B4GALT6: variants seen among roughly 807,000 people sequenced by gnomAD.
B4GALT6 encodes the protein beta-1,4-galactosyltransferase 6.
In B4GALT6, 14 loss-of-function variants were observed where a neutral mutation model predicts 46.3. That is an observed-to-expected ratio of 0.30 (90% CI 0.20 to 0.47). B4GALT6 has a LOEUF of 0.47. Among genes scored for constraint, B4GALT6 ranks in the 20% least tolerant of loss-of-function variants. The pLI is 0.99. For missense variants in B4GALT6, 386 were observed against 480.1 expected, an observed-to-expected ratio of 0.80 and a Z score of 1.83; for synonymous variants, 168 against 162.0, an observed-to-expected ratio of 1.04 and a Z score of -0.28.
At chr18:31,626,005 CATT>C (rs928346762) in intron 8 of B4GALT6, among the ~76,000 whole-genome samples, 2 of 152,160 alleles carry the variant, frequency 1.3e-5, no homozygotes, top group African/African-American at 4.8e-5. Flanking sequence ...ATAAATAAAA[CATT>C]ATGCTTTATG....
chr18:31,638,330 A>G (rs753957002), intron 5 of B4GALT6, among the ~76,000 whole-genome samples: 1 of 152,150 alleles, frequency 6.6e-6, no homozygotes, highest in Non-Finnish European at 1.5e-5. Flanking sequence ...GATCAAGACC[A>G]TCCTGGCTAA....
the B4GALT6 span, among the ~76,000 whole-genome samples, chr18:31,695,568 T>G: frequency 6.6e-6 from 1 of 152,078 alleles, no homozygotes; most frequent in Admixed American, 6.6e-5. Context: ...CAACCAACAA[T>G]GCATAGACAC....
intron 4 of B4GALT6, 132 bp from the exon 5 acceptor site, chr18:31,638,892 C>G: frequency 8.5e-6 from 6 of 705,304 alleles, no homozygotes. Flanking sequence ...ATCAGAGATA[C>G]AACAGCAAGC....
the B4GALT6 span, among the ~76,000 whole-genome samples, chr18:31,719,613 C>T: frequency 1.3e-5 from 2 of 152,280 alleles, no homozygotes; most frequent in African/African-American, 4.8e-5. Flanking sequence ...CATGCAGAGC[C>T]AGCTGTGCAG....
intron 1 of B4GALT6, among the ~76,000 whole-genome samples, chr18:31,680,090 A>G (rs558834706): frequency 1.8e-4 from 27 of 152,314 alleles, no homozygotes; most frequent in Non-Finnish European, 3.7e-4. Flanking sequence ...CCCAGAAAAA[A>G]GAGATGCCCA....
chr18:31,657,577 C>G (rs2074157061), intron 3 of B4GALT6, among the ~76,000 whole-genome samples: 1 of 152,100 alleles, frequency 6.6e-6, no homozygotes. Context: ...GAATGGGGAG[C>G]CAGCACTGGG....
In B4GALT6 at chr18:31,627,183, AG is replaced by A. The variant is rs1305275491; in HGVS notation, c.777-63del. The A allele has an allele frequency of 2.0e-6, 3 of 1,493,890 alleles. No individual in the cohort carries two copies. In the African/African-American group the frequency reaches 4.3e-5, roughly 21 times the overall value. 92.5% of individuals were successfully genotyped at this position (1,493,890 alleles called of 1,614,324 possible). On this transcript the variant is annotated intron_variant, in intron 6 of 8. Transcript: ENST00000306851. ...CATAATAATTTCCCATGTGAAATGAAGGTTTCAGCCTTTTATGTGCTTTGCA... is the reference window on the plus strand; with the variant it reads ...CATAATAATTTCCCATGTGAAATGAAGTTTCAGCCTTTTATGTGCTTTGCA...
chr18:31,684,019 CAAGA>C (rs1437439718), intron 1 of B4GALT6, among the ~76,000 whole-genome samples: 2 of 152,194 alleles, frequency 1.3e-5, no homozygotes, highest in Non-Finnish European at 2.9e-5. Flanking sequence ...CATGAACACT[CAAGA>C]AAGCGACTAG....
chr18:31,697,759 A>G, the B4GALT6 span, among the ~76,000 whole-genome samples: 1 of 152,196 alleles, frequency 6.6e-6, no homozygotes, highest in Non-Finnish European at 1.5e-5. Context: ...ACTGTTATAC[A>G]TTGTTAGCTT....
intron 2 of B4GALT6, among the ~76,000 whole-genome samples, chr18:31,659,647 G>A (rs1163698919): frequency 6.6e-6 from 1 of 152,116 alleles, no homozygotes; most frequent in Non-Finnish European, 1.5e-5. Context: ...ACATAGTAGA[G>A]ATCAATGATG....
chr18:31,707,784 A>G, the B4GALT6 span, among the ~76,000 whole-genome samples: 7 of 152,204 alleles, frequency 4.6e-5, no homozygotes, highest in Non-Finnish European at 8.8e-5. Flanking sequence ...AGAAAGTGGA[A>G]GTCCCTAATA....
intron 1 of B4GALT6, among the ~76,000 whole-genome samples, chr18:31,676,512 T>C (rs1431720860): frequency 1.3e-5 from 2 of 152,172 alleles, no homozygotes; most frequent in Non-Finnish European, 2.9e-5. Flanking sequence ...CCCAATCACC[T>C]AGTCACTGCA....
chr18:31,724,437 A>G, the B4GALT6 span: 2 of 1,038,924 alleles, frequency 1.9e-6, no homozygotes, highest in East Asian at 9.6e-5. Flanking sequence ...TCCCACGCGA[A>G]TCGCCGCCAT....
At position 31,655,460 on chromosome 18, in the gene B4GALT6, G is replaced by A. The variant is rs545347680; in HGVS notation, c.346+2516C>T. On this transcript the variant is annotated intron_variant, in intron 3 of 8. Coordinates refer to ENST00000306851, the MANE Select transcript of B4GALT6 (RefSeq NM_004775.5). The stretch of plus-strand genomic sequence containing the variant: ...CAGAGAGAAGGGGCAGTAGTGCTGA[G>A]ACCCCTCCCCACCCCCAGTGAAAAG... Among the ~76,000 whole-genome samples the A allele has an allele frequency of 4.6e-5, 7 of 152,242 alleles. No individual in the cohort carries two copies. In the South Asian group the frequency reaches 1.0e-3, roughly 23 times the overall value.
chr18:31,638,806 A>C, intron 4 of B4GALT6, 46 bp from the exon 5 acceptor site: 1 of 1,419,416 alleles, frequency 7.0e-7, no homozygotes, highest in Non-Finnish European at 9.9e-7. Context: ...TATCTACCAC[A>C]TCCTAGAGGT....
At chr18:31,633,028 C>T (rs2144517825) in intron 5 of B4GALT6, among the ~76,000 whole-genome samples, 2 of 152,152 alleles carry the variant, frequency 1.3e-5, no homozygotes, top group South Asian at 4.1e-4. Flanking sequence ...CAAGAGCTTG[C>T]TAAGTAAAGA....
At chr18:31,702,309 T>C in the B4GALT6 span, among the ~76,000 whole-genome samples, 9 of 152,230 alleles carry the variant, frequency 5.9e-5, no homozygotes, top group African/African-American at 2.2e-4. Context: ...CTTATATATA[T>C]GTGCAAAGAT....
At chr18:31,687,257 G>C (rs577298949), upstream of B4GALT6, among the ~76,000 whole-genome samples, 3 of 152,224 alleles carry the variant, frequency 2.0e-5, no homozygotes, top group Non-Finnish European at 2.9e-5. Context: ...GCATGGGAGA[G>C]GCTGGTACAT....
the B4GALT6 span, among the ~76,000 whole-genome samples, chr18:31,700,557 C>T: frequency 1.3e-5 from 2 of 151,812 alleles, no homozygotes; most frequent in Admixed American, 1.3e-4. Context: ...CCCAGGTTCG[C>T]GCCATTCTCC....
Sources: gnomAD v4.1 joint callset for allele counts (sites outside exome capture counted in the v4.1 genomes callset) on GRCh38, gnomAD v4.1.1 for gene constraint, MANE v1.5 for transcripts, NCBI Gene and HGNC (gene_info 2026-07-23, HGNC 2026-07-21) for gene names.